CARF: variants seen among roughly 807,000 people sequenced by gnomAD.
CARF encodes calcium responsive transcription factor.
A neutral mutation model predicts 82.0 loss-of-function variants in CARF; 57 were observed. The observed-to-expected ratio is 0.70, with a 90% CI of 0.56 to 0.87. CARF has a LOEUF of 0.87. CARF is among the 40% of genes least tolerant of loss of function. CARF has a pLI of 0.00. For synonymous variants in CARF, 268 were observed against 290.1 expected, an observed-to-expected ratio of 0.92 and a Z score of 0.77; for missense variants, 771 against 855.8, an observed-to-expected ratio of 0.90 and a Z score of 1.24.
In CARF at chr2:202,942,867, A is replaced by C; in HGVS notation, c.206A>C (p.Gln69Pro). 2.5e-6 allele frequency: 4 copies of C among 1,614,168 alleles called. No individual in the cohort carries two copies. Among genetic ancestry groups the C allele is most frequent in the Non-Finnish European group, 2.5e-6 (3 of 1,180,024 alleles). The change falls in exon 5 of 17, where the codon CAG (glutamine) becomes CCG (proline). Residue 69 changes from glutamine (Q) to proline (P), a missense_variant. By Grantham distance (76) the Gln-to-Pro change is moderately conservative. Transcript: ENST00000438828. ...ISQNIPGPLTQTQTLSAEQFH... is the reference protein window; with the variant it reads ...ISQNIPGPLTPTQTLSAEQFH... ...CAGAATATACCAGGGCCCCTGACTC[A>C]GACACAGACTCTTTCTGCAGAGCAA...
At chr2:202,925,097 C>G (rs901098571) in intron 3 of CARF, 1 of 402,610 alleles carries the variant, frequency 2.5e-6, no homozygotes, top group Non-Finnish European at 4.9e-6. Flanking sequence ...CAACTGGACA[C>G]ACTGAGCCAG....
Position 202,983,552 on chromosome 2 carries a change from A to C in CARF, c.2106A>C (p.Gln702His). ...ESTISVSQVK[Q>H]EPKEPALSME... ...CCATTTCTGTGAGCCAAGTTAAACA[A>C]GAACCCAAAGAACCAGCATTGTCTA... The change falls in exon 17 of 17, where the codon CAA becomes CAC. Residue 702 changes from glutamine to histidine, a missense_variant. By Grantham distance (24) the Gln-to-His change is conservative. Transcript: ENST00000438828. The C allele has an allele frequency of 6.2e-7, 1 of 1,612,230 alleles. No individual in the cohort carries two copies. The highest frequency in any genetic ancestry group is 8.5e-7 in the Non-Finnish European group (1 of 1,179,376).
intron 14 of CARF, among the ~76,000 whole-genome samples, chr2:202,980,238 G>T (rs551528138): frequency 1.3e-5 from 2 of 152,120 alleles, no homozygotes; most frequent in Non-Finnish European, 2.9e-5. Flanking sequence ...GATTACAAGC[G>T]TGAGCCACTT....
chr2:202,920,876 G>A (rs981061435), intron 2 of CARF, among the ~76,000 whole-genome samples: 1 of 152,060 alleles, frequency 6.6e-6, no homozygotes, highest in Non-Finnish European at 1.5e-5. Context: ...TTTGTAAAAA[G>A]TTTCCTGTTT....
At chr2:202,954,349 T>C (rs2058924348) in intron 7 of CARF, among the ~76,000 whole-genome samples, 1 of 152,238 alleles carries the variant, frequency 6.6e-6, no homozygotes, top group African/African-American at 2.4e-5. Context: ...CAGTGACATC[T>C]GTTATCTTTT....
rs1559215797 is a variant in CARF at position 202,942,728 on chromosome 2, T to C, written c.79-12T>C. 6.5e-7 allele frequency: 1 copy of C among 1,548,502 alleles called. No individual in the cohort carries two copies. Among genetic ancestry groups the C allele is most frequent in the Non-Finnish European group, 8.7e-7 (1 of 1,145,168 alleles). ...TGATAGACTGAAGTGATTTTTTTTT[T>C]CCTTACAAAAGCATCTAATCTGTAT... On this transcript the variant is annotated splice_polypyrimidine_tract_variant and intron_variant, in intron 4 of 16. Coordinates refer to ENST00000438828, the MANE Select transcript of CARF (RefSeq NM_024744.17).
intron 13 of CARF, 80 bp from the exon 14 acceptor site, chr2:202,977,187 AAT>A (rs1181901935): frequency 3.0e-6 from 3 of 1,013,520 alleles, no homozygotes; most frequent in East Asian, 4.8e-5. Flanking sequence ...CTGTGAATAA[AAT>A]ATGACAGTCG....
Position 202,912,590 on chromosome 2 carries a change from A to C in CARF, c.-842A>C, listed in dbSNP as rs997913056. 15 of 152,056 alleles carry C rather than the reference A, an allele frequency of 9.9e-5. No individual in the cohort carries two copies. Among genetic ancestry groups the C allele is most frequent in the African/African-American group, 3.6e-4 (15 of 41,506 alleles). The allele number at this position is 152,056 out of a possible 1,614,324, so 9.4% of individuals were successfully genotyped here. ...GTCACTGGCGGCGCCTTCCGCGCCA[A>C]GCTTGGGGGCCTTTTCGGGGTCCCA... is the stretch of plus-strand genomic sequence containing the variant. On this transcript the variant is annotated 5_prime_UTR_variant, in exon 1 of 17. Coordinates refer to ENST00000438828, the MANE Select transcript of CARF (RefSeq NM_024744.17).
intron 5 of CARF, 102 bp from the exon 6 acceptor site, chr2:202,952,457 A>G (rs2058799615): frequency 2.8e-6 from 3 of 1,085,684 alleles, no homozygotes; most frequent in Non-Finnish European, 3.8e-6. Context: ...CATAGAATCC[A>G]TCATAGAGCT....
chr2:202,983,504 A>C lies in CARF; in HGVS notation c.2060-2A>C. 2.6e-6 allele frequency: 4 copies of C among 1,567,334 alleles called. No homozygotes were observed. The highest frequency in any genetic ancestry group is 3.5e-6 in the Non-Finnish European group (4 of 1,149,028). ...TTAGGATTTTTCTGTTTGTTTTTAA[A>C]GTTGAAGAAAATCCAGAAAGTACCA... On this transcript the variant is annotated splice_acceptor_variant, in intron 16 of 16. Transcript: ENST00000438828. LOFTEE classifies it high-confidence loss of function.
chr2:202,925,489 T>C (rs557315575), intron 3 of CARF: 1 of 251,842 alleles, frequency 4.0e-6, no homozygotes, highest in South Asian at 4.7e-5. Flanking sequence ...GTACAAGGAG[T>C]ATTAGGAATA....
intron 3 of CARF, among the ~76,000 whole-genome samples, chr2:202,939,860 T>TAA (rs1269629937): frequency 6.6e-6 from 1 of 151,826 alleles, no homozygotes; most frequent in African/African-American, 2.4e-5. Flanking sequence ...GGCTGATTGT[T>TAA]AAATTTTTTT....
chr2:202,943,620 A>ACACACC (rs2058344213), intron 5 of CARF, among the ~76,000 whole-genome samples: 1 of 123,936 alleles, frequency 8.1e-6, no homozygotes, highest in Non-Finnish European at 1.9e-5. Context: ...ACACACACAC[A>ACACACC]CACACACACA....
At chr2:202,914,786 A>G (rs1689290236) in intron 1 of CARF, among the ~76,000 whole-genome samples, 1 of 146,864 alleles carries the variant, frequency 6.8e-6, no homozygotes, top group Admixed American at 6.8e-5. Flanking sequence ...TCTCAAAAAA[A>G]AAAAACAAAC....
intron 14 of CARF, among the ~76,000 whole-genome samples, chr2:202,979,741 C>T (rs1366510149): frequency 6.7e-6 from 1 of 150,086 alleles, no homozygotes; most frequent in Non-Finnish European, 1.5e-5. Flanking sequence ...GCAGAGGTTG[C>T]AATGAGCCGA....
chr2:202,918,123 A>C (rs372846007), intron 2 of CARF, 80 bp downstream of exon 2: 3 of 413,318 alleles, frequency 7.3e-6, no homozygotes, highest in Non-Finnish European at 9.5e-6. Flanking sequence ...TAAAAAGTCA[A>C]ATTACCCTTT....
chr2:202,931,825 G>A (rs1432860150), intron 3 of CARF, among the ~76,000 whole-genome samples: 4 of 151,632 alleles, frequency 2.6e-5, no homozygotes, highest in African/African-American at 9.7e-5. Flanking sequence ...TAACCAAGAT[G>A]TCAGGTCTGA....
At chr2:202,920,852 C>A (rs557449232) in intron 2 of CARF, among the ~76,000 whole-genome samples, 147 of 152,176 alleles carry the variant, frequency 9.7e-4, no homozygotes, top group African/African-American at 2.9e-3. Context: ...ACCTTATTTG[C>A]AGTTGAATCT....
chr2:202,945,306 T>C (rs2058442642), intron 5 of CARF, among the ~76,000 whole-genome samples: 1 of 152,140 alleles, frequency 6.6e-6, no homozygotes, highest in South Asian at 2.1e-4. Flanking sequence ...TTTTTTGTTT[T>C]ATTGTTTTTG....
Sources: gnomAD v4.1 joint callset for allele counts (sites outside exome capture counted in the v4.1 genomes callset) on GRCh38, gnomAD v4.1.1 for gene constraint, MANE v1.5 for transcripts, NCBI Gene and HGNC (gene_info 2026-07-23, HGNC 2026-07-21) for gene names.